The following TBC1D5 variants were observed in gnomAD, a reference collection of about 807,000 sequenced individuals.
The protein encoded by TBC1D5 is TBC1 domain family member 5.
Under a neutral mutation model 100.3 loss-of-function variants are expected in TBC1D5, and 75 were observed. The ratio of observed to expected loss-of-function variants is 0.75; its 90% CI spans 0.62 to 0.91. The LOEUF is 0.91. TBC1D5 is among the 40% of genes least tolerant of loss of function. The pLI is 0.00. For synonymous variants in TBC1D5, 323 were observed against 325.6 expected (o/e 0.99, Z 0.09); for missense variants, 910 against 942.4 (o/e 0.97, Z 0.45).
chr3:17,724,132 C>T (rs1000598754), intron 1 of TBC1D5, among the ~76,000 whole-genome samples: 4 of 149,794 alleles, frequency 2.7e-5, no homozygotes, highest in Admixed American at 6.7e-5. Context: ...CAGGCTGGAC[C>T]GCAGTAGCAC....
chr3:17,443,711 G>T (rs1392787231), intron 3 of TBC1D5, among the ~76,000 whole-genome samples: 5 of 152,074 alleles, frequency 3.3e-5, no homozygotes, highest in Admixed American at 1.3e-4. Context: ...TAAAATAATA[G>T]AAACTATTAA....
intron 13 of TBC1D5, among the ~76,000 whole-genome samples, chr3:17,312,435 C>T (rs116165313): frequency 0.018 from 2,746 of 152,092 alleles, 83 homozygotes; most frequent in African/African-American, 0.062. Flanking sequence ...TCCTTTAAGC[C>T]ATCAAACTCT....
At chr3:17,351,841 T>C (rs1291275435) in intron 13 of TBC1D5, among the ~76,000 whole-genome samples, 1 of 150,636 alleles carries the variant, frequency 6.6e-6, no homozygotes, top group African/African-American at 2.4e-5. Flanking sequence ...TCCCTAGCAC[T>C]ACCTCCTACC....
intron 2 of TBC1D5, among the ~76,000 whole-genome samples, chr3:17,523,091 G>GTAT (rs10662235): frequency 0.52 from 79,215 of 151,628 alleles, 22,871 homozygotes; most frequent in African/African-American, 0.76. Flanking sequence ...TGTTTTATGT[G>GTAT]TATTATCCCA....
At chr3:17,205,793 T>G (rs1458513186) in intron 18 of TBC1D5, among the ~76,000 whole-genome samples, 1 of 152,160 alleles carries the variant, frequency 6.6e-6, no homozygotes, top group Non-Finnish European at 1.5e-5. Flanking sequence ...TGTGATATAA[T>G]TGGCTGTGTC....
chr3:17,565,462 T>C (rs920893287), intron 2 of TBC1D5, among the ~76,000 whole-genome samples: 1 of 152,104 alleles, frequency 6.6e-6, no homozygotes, highest in Non-Finnish European at 1.5e-5. Flanking sequence ...AAAAGGTAAA[T>C]ATATACATGG....
chr3:17,499,718 C>G (rs1560028653), intron 3 of TBC1D5, among the ~76,000 whole-genome samples: 2 of 148,822 alleles, frequency 1.3e-5, no homozygotes, highest in African/African-American at 2.6e-5. Flanking sequence ...AACCCTTACT[C>G]TACTGTAGTT....
At chr3:17,399,446 T>G (rs1378484646) in intron 8 of TBC1D5, among the ~76,000 whole-genome samples, 1 of 152,154 alleles carries the variant, frequency 6.6e-6, no homozygotes, top group Non-Finnish European at 1.5e-5. Context: ...TCCCCTAATT[T>G]GTATTTTGAA....
At chr3:17,710,679 T>TTTTA (rs779837083) in intron 1 of TBC1D5, among the ~76,000 whole-genome samples, 22 of 152,014 alleles carry the variant, frequency 1.4e-4, no homozygotes, top group Admixed American at 8.5e-4. Context: ...TTTTCATTTA[T>TTTTA]TTTATTTATT....
intron 3 of TBC1D5, among the ~76,000 whole-genome samples, chr3:17,479,738 G>A (rs946822826): frequency 5.3e-5 from 8 of 152,134 alleles, no homozygotes; most frequent in South Asian, 2.1e-4. Flanking sequence ...CTCAGGAGAC[G>A]GAGGCAGGAA....
chr3:17,317,293 T>A (rs536725259), intron 13 of TBC1D5, among the ~76,000 whole-genome samples: 6 of 152,150 alleles, frequency 3.9e-5, no homozygotes, highest in Admixed American at 3.9e-4. Flanking sequence ...TTAACACAGA[T>A]AATCAAGAGC....
intron 3 of TBC1D5, among the ~76,000 whole-genome samples, chr3:17,461,106 C>A (rs534444169): frequency 6.6e-5 from 10 of 152,136 alleles, no homozygotes; most frequent in Non-Finnish European, 1.2e-4. Flanking sequence ...CAGAAAATAA[C>A]ATCCTACTGT....
chr3:17,394,659 G>A (rs995915835), intron 8 of TBC1D5, among the ~76,000 whole-genome samples: 2 of 152,034 alleles, frequency 1.3e-5, no homozygotes, highest in Admixed American at 1.3e-4. Flanking sequence ...GAACAGAAGA[G>A]GCAGTCTTTT....
chr3:17,185,472 T>C (rs1451365028), intron 18 of TBC1D5, among the ~76,000 whole-genome samples: 1 of 152,214 alleles, frequency 6.6e-6, no homozygotes, highest in African/African-American at 2.4e-5. Context: ...AGATTGCATA[T>C]ACAATCTTGC....
intron 2 of TBC1D5, chr3:17,575,189 A>G (rs1179015628): frequency 6.6e-6 from 1 of 151,946 alleles, no homozygotes; most frequent in Non-Finnish European, 1.5e-5. Context: ...TTAGATGGGC[A>G]TAGTGATGTG....
In TBC1D5 at chr3:17,734,395, T is replaced by C. The variant is rs535713636; in HGVS notation, c.-101+4948A>G. ...AGAAGAAATCATTCATTAAACAGTATTGAGGAAATTGGCTAATCAAAAGCT... is the reference window on the plus strand; with the variant it reads ...AGAAGAAATCATTCATTAAACAGTACTGAGGAAATTGGCTAATCAAAAGCT... On this transcript the variant is annotated intron_variant, in intron 1 of 21. Transcript: ENST00000253692. Among the ~76,000 whole-genome samples, 25 of 152,290 alleles carry C rather than the reference T, an allele frequency of 1.6e-4. No homozygotes were observed. The South Asian group carries it at 4.4e-3, about 27-fold the overall frequency.
At chr3:17,408,667 A>G (rs2093839829) in intron 4 of TBC1D5, among the ~76,000 whole-genome samples, 1 of 152,168 alleles carries the variant, frequency 6.6e-6, no homozygotes, top group Non-Finnish European at 1.5e-5. Context: ...ACTGCTTTTT[A>G]GTGTGCCTTA....
chr3:17,160,817 G>T, exon 22 of TBC1D5: 1 of 1,035,522 alleles, frequency 9.7e-7, no homozygotes, highest in Non-Finnish European at 1.4e-6. Context: ...TCTCTCTAAG[G>T]GGTTTCAAAG....
At chr3:17,331,398 T>G (rs2151161608) in intron 13 of TBC1D5, among the ~76,000 whole-genome samples, 1 of 152,334 alleles carries the variant, frequency 6.6e-6, no homozygotes, top group South Asian at 2.1e-4. Flanking sequence ...AACTCTCTTC[T>G]TCCCTGGTCC....
Sources: allele counts gnomAD v4.1 joint callset (sites outside exome capture counted in the v4.1 genomes callset), GRCh38; gene constraint gnomAD v4.1.1; transcripts MANE v1.5; gene names NCBI Gene and HGNC (gene_info 2026-07-23, HGNC 2026-07-21).